The following KSR2 variants were observed in gnomAD, a reference collection of about 807,000 sequenced individuals.
KSR2 encodes kinase suppressor of ras 2.
KSR2 carries 25 observed loss-of-function variants against 107.8 expected under a neutral mutation model. The ratio of observed to expected loss-of-function variants is 0.23; its 90% confidence interval spans 0.17 to 0.32. KSR2 has a LOEUF of 0.32. Among genes scored for constraint, KSR2 ranks in the 10% least tolerant of loss-of-function variants. The pLI is 1.00. For missense variants in KSR2, 887 were observed against 1,268.9 expected, an observed-to-expected ratio of 0.70 and a Z score of 4.57; for synonymous variants, 480 against 507.0, an observed-to-expected ratio of 0.95 and a Z score of 0.71.
chr12:117,949,812 G>A (rs535130356), intron 1 of KSR2, among the ~76,000 whole-genome samples: 18 of 152,080 alleles, frequency 1.2e-4, no homozygotes, highest in Non-Finnish European at 1.3e-4. Context: ...GGAGGTTTAG[G>A]TTACAGTGGT....
chr12:117,477,641 T>C (rs981950276), intron 16 of KSR2, among the ~76,000 whole-genome samples: 2 of 152,214 alleles, frequency 1.3e-5, no homozygotes, highest in African/African-American at 4.8e-5. Context: ...TCCAGTTATG[T>C]GAACAAGGAG....
chr12:117,532,478 A>G (rs1366636339), intron 10 of KSR2, among the ~76,000 whole-genome samples: 1 of 152,162 alleles, frequency 6.6e-6, no homozygotes, highest in Non-Finnish European at 1.5e-5. Context: ...CTCCCATCTC[A>G]AGATCCATAA....
chr12:117,601,639 C>T (rs56244007), intron 5 of KSR2, among the ~76,000 whole-genome samples: 14 of 152,276 alleles, frequency 9.2e-5, no homozygotes, highest in South Asian at 4.2e-4. Flanking sequence ...AAGGACCCCC[C>T]CCTAGAGCCT....
At chr12:117,690,593 A>T (rs1404145953) in intron 4 of KSR2, among the ~76,000 whole-genome samples, 1 of 152,150 alleles carries the variant, frequency 6.6e-6, no homozygotes, top group Non-Finnish European at 1.5e-5. Flanking sequence ...ATGGCGAAAA[A>T]AATAAAACCT....
At chr12:117,716,525 T>A (rs1228268014) in intron 4 of KSR2, among the ~76,000 whole-genome samples, 3 of 152,248 alleles carry the variant, frequency 2.0e-5, no homozygotes, top group African/African-American at 7.2e-5. Context: ...GAAATAATAT[T>A]TTGGATCTAT....
intron 3 of KSR2, among the ~76,000 whole-genome samples, chr12:117,785,624 T>G (rs1890043378): frequency 6.6e-6 from 1 of 152,026 alleles, no homozygotes; most frequent in African/African-American, 2.4e-5. Context: ...AATTTTGGAA[T>G]CGAAAAATAC....
chr12:117,759,638 C>T (rs1888922662), intron 4 of KSR2, among the ~76,000 whole-genome samples: 1 of 152,174 alleles, frequency 6.6e-6, no homozygotes, highest in African/African-American at 2.4e-5. Context: ...ATAACAACTC[C>T]CCATTCTCCC....
intron 5 of KSR2, among the ~76,000 whole-genome samples, chr12:117,616,490 C>A (rs1235225685): frequency 6.6e-6 from 1 of 152,202 alleles, no homozygotes; most frequent in Non-Finnish European, 1.5e-5. Flanking sequence ...CCAGATATCC[C>A]TTCCAAGTAC....
At chr12:117,779,206 T>C (rs1308033490) in intron 3 of KSR2, among the ~76,000 whole-genome samples, 1 of 152,148 alleles carries the variant, frequency 6.6e-6, no homozygotes, top group Non-Finnish European at 1.5e-5. Flanking sequence ...TGTGTAAACG[T>C]CTATCAACCT....
At chr12:117,718,492 C>T (rs1301187747) in intron 4 of KSR2, among the ~76,000 whole-genome samples, 1 of 152,160 alleles carries the variant, frequency 6.6e-6, no homozygotes, top group East Asian at 1.9e-4. Flanking sequence ...GTGGGAATGC[C>T]ACCCAGGAAA....
chr12:117,937,961 T>C (rs1431151941), intron 1 of KSR2, among the ~76,000 whole-genome samples: 13 of 128,820 alleles, frequency 1.0e-4, no homozygotes, highest in African/African-American at 3.5e-4. Flanking sequence ...AAAGACAGAC[T>C]CTGTCTCAAG....
intron 5 of KSR2, among the ~76,000 whole-genome samples, chr12:117,605,210 T>G (rs752672458): frequency 3.4e-4 from 51 of 152,086 alleles, no homozygotes; most frequent in Admixed American, 1.8e-3. Context: ...CATCCTGAGT[T>G]TAAATGAGTG....
In KSR2 at chr12:117,458,101, G is replaced by T. The variant is rs1870707048; in HGVS notation, c.*9098C>A. 6.6e-6 allele frequency: 1 copy of T among 152,190 alleles called. No homozygotes were observed. Among genetic ancestry groups the T allele is most frequent in the African/African-American group, 2.4e-5 (1 of 41,448 alleles). The allele number at this position is 152,190 out of a possible 1,614,324, so 9.4% of individuals were successfully genotyped here. ...TATCACTCATCACTGAATGCCCAGG[G>T]TCTAACACATAGTAGATGCTCAACA... On this transcript the variant is annotated 3_prime_UTR_variant, in exon 20 of 20. Coordinates refer to ENST00000339824, the MANE Select transcript of KSR2 (RefSeq NM_173598.6).
At chr12:117,500,049 G>T (rs2676788) in intron 14 of KSR2, among the ~76,000 whole-genome samples, 1 of 152,208 alleles carries the variant, frequency 6.6e-6, no homozygotes, top group Non-Finnish European at 1.5e-5. Flanking sequence ...GGAAGATAAG[G>T]AGATGGGGAG....
At chr12:117,724,951 C>T (rs1181741576) in intron 4 of KSR2, among the ~76,000 whole-genome samples, 1 of 151,940 alleles carries the variant, frequency 6.6e-6, no homozygotes, top group African/African-American at 2.4e-5. Flanking sequence ...GCTCTTGGGG[C>T]AAGTGAGAAC....
intron 10 of KSR2, among the ~76,000 whole-genome samples, chr12:117,535,241 G>A (rs918500034): frequency 2.0e-5 from 3 of 152,190 alleles, no homozygotes; most frequent in African/African-American, 7.2e-5. Flanking sequence ...CCTGGGCAGT[G>A]CATGAAATTC....
intron 3 of KSR2, among the ~76,000 whole-genome samples, chr12:117,768,146 G>A (rs909567783): frequency 6.6e-6 from 1 of 152,188 alleles, no homozygotes; most frequent in African/African-American, 2.4e-5. Flanking sequence ...TGTAGGGGCC[G>A]ATATTGCTGT....
At chr12:117,518,270 G>A (rs532896555) in intron 14 of KSR2, among the ~76,000 whole-genome samples, 2 of 152,266 alleles carry the variant, frequency 1.3e-5, no homozygotes, top group South Asian at 4.1e-4. Context: ...GGGGGCATGG[G>A]GAAATCCAGT....
rs576797366 is a variant in KSR2, at chr12:117,588,707, A to G, written c.1172-6348T>C. On this transcript the variant is annotated intron_variant, in intron 5 of 19. Transcript: ENST00000339824. ...AAATACTCTGTGTGGTAGGGAAGAA[A>G]GTACACATTATAACTGTTTCACAGA... 9.2e-5 allele frequency among the ~76,000 whole-genome samples: 14 copies of G among 152,296 alleles called. No homozygotes were observed. The South Asian group carries it at 2.9e-3, about 32-fold the overall frequency.
Sources: gnomAD v4.1 joint callset for allele counts (sites outside exome capture counted in the v4.1 genomes callset) on GRCh38, gnomAD v4.1.1 for gene constraint, MANE v1.5 for transcripts, NCBI Gene and HGNC (gene_info 2026-07-23, HGNC 2026-07-21) for gene names.